ABCD3: variants seen among roughly 807,000 people sequenced by gnomAD.
The protein encoded by ABCD3 is ATP-binding cassette sub-family D member 3.
Under a neutral mutation model 105.5 loss-of-function variants are expected in ABCD3, and 41 were observed. The ratio of observed to expected loss-of-function variants is 0.39; its 90% confidence interval spans 0.30 to 0.50. The LOEUF is 0.50. Among genes scored for constraint, ABCD3 ranks in the 20% least tolerant of loss-of-function variants. ABCD3 has a pLI of 0.84. For synonymous variants in ABCD3, 258 were observed against 269.0 expected (o/e 0.96, Z 0.40); for missense variants, 622 against 806.3 (o/e 0.77, Z 2.77).
At chr1:94,451,252 TTTTTG>T (rs1308657885) in intron 1 of ABCD3, among the ~76,000 whole-genome samples, 1 of 152,196 alleles carries the variant, frequency 6.6e-6, no homozygotes, top group Non-Finnish European at 1.5e-5. Flanking sequence ...CTTGGGTTTG[TTTTTG>T]TTTTCTGTAA....
Position 94,433,744 on chromosome 1 carries a change from G to A in ABCD3, c.110+15156G>A, listed in dbSNP as rs1489713111. Among the ~76,000 whole-genome samples the A allele has an allele frequency of 2.7e-5, 4 of 149,944 alleles. No individual in the cohort carries two copies. In the South Asian group the frequency reaches 6.3e-4, roughly 24 times the overall value. On this transcript the variant is annotated intron_variant, in intron 1 of 22. Transcript: ENST00000370214. ...TTACTGCAACCTCCGCCTCCCAGGT[G>A]CAAGTGCTTCTCCTGCCTCAGCCTC...
chr1:94,484,169 A>C (rs538329972), intron 10 of ABCD3, among the ~76,000 whole-genome samples: 37 of 152,348 alleles, frequency 2.4e-4, no homozygotes, highest in African/African-American at 8.9e-4. Flanking sequence ...GAGAAATAGG[A>C]ACACTTTTAC....
chr1:94,496,191 A>G (rs1649789981), intron 16 of ABCD3, among the ~76,000 whole-genome samples: 1 of 152,308 alleles, frequency 6.6e-6, no homozygotes, highest in African/African-American at 2.4e-5. Flanking sequence ...ATCCATTTCC[A>G]GAACTTTTCC....
At position 94,418,397 on chromosome 1, in the gene ABCD3, C is replaced by A. The variant is rs897217394; in HGVS notation, c.-82C>A. ...CCGCCCTCTGCTCTCCTCCCAGTCT[C>A]CCCCGCGCTGCGTGCAGTAAGGTAG... On this transcript the variant is annotated 5_prime_UTR_variant, in exon 1 of 23. Transcript: ENST00000370214. 5 of 1,250,286 alleles carry A rather than the reference C, an allele frequency of 4.0e-6. No homozygotes were observed. The highest frequency in any genetic ancestry group is 5.6e-6 in the Non-Finnish European group (5 of 888,752). The allele number at this position is 1,250,286 out of a possible 1,614,324, so 77.4% of individuals were successfully genotyped here. A position where few individuals can be genotyped will look rare whatever the true frequency, so the allele number is the denominator to read the frequency against.
At chr1:94,388,453 A>G in the ABCD3 span, among the ~76,000 whole-genome samples, 4 of 152,224 alleles carry the variant, frequency 2.6e-5, no homozygotes, top group African/African-American at 7.2e-5. Flanking sequence ...AGTTGTGGAC[A>G]ACATGCTACA....
intron 8 of ABCD3, among the ~76,000 whole-genome samples, chr1:94,479,972 C>T (rs532656520): frequency 2.6e-5 from 4 of 151,930 alleles, no homozygotes; most frequent in Non-Finnish European, 4.4e-5. Flanking sequence ...GAGGCATCTG[C>T]ACAGTATTAA....
At chr1:94,501,108 A>C (rs1650069501) in intron 20 of ABCD3, among the ~76,000 whole-genome samples, 1 of 152,018 alleles carries the variant, frequency 6.6e-6, no homozygotes. Context: ...CAGGAGGGAT[A>C]ATTTTGATTT....
chr1:94,479,189 G>A (rs1056228987), intron 8 of ABCD3, among the ~76,000 whole-genome samples: 3 of 152,028 alleles, frequency 2.0e-5, no homozygotes, highest in Non-Finnish European at 4.4e-5. Flanking sequence ...TTGCTGTCTT[G>A]TGATCCAGGT....
the ABCD3 span, among the ~76,000 whole-genome samples, chr1:94,385,832 AGATAT>A: frequency 1.3e-5 from 2 of 152,204 alleles, no homozygotes; most frequent in African/African-American, 4.8e-5. Context: ...AGATGCATAT[AGATAT>A]ATGTCTATAT....
intron 1 of ABCD3, among the ~76,000 whole-genome samples, chr1:94,444,118 G>A (rs1239075206): frequency 6.6e-6 from 1 of 151,954 alleles, no homozygotes; most frequent in Non-Finnish European, 1.5e-5. Context: ...CAGACCATGA[G>A]GTCAAGAGAT....
chr1:94,480,285 TA>T, intron 8 of ABCD3, 178 bp from the exon 9 acceptor site: 1 of 667,254 alleles, frequency 1.5e-6, no homozygotes, highest in Non-Finnish European at 2.5e-6. Context: ...CCATGAGTAG[TA>T]AAAGTGTAGA....
At position 94,475,560 on chromosome 1, in the gene ABCD3, G is replaced by GT. The variant is rs961618552; in HGVS notation, c.504-50dup. The GT allele has an allele frequency of 7.7e-6, 12 of 1,565,474 alleles. No homozygotes were observed. In the African/African-American group the frequency reaches 1.5e-4, roughly 19 times the overall value. On this transcript the variant is annotated intron_variant, in intron 6 of 22. Transcript: ENST00000370214. ...GGTGTAATATGATTTTTTTGTTGTT[G>GT]TTTTATCTTTAAAGTCACTTGTTTT...
intron 1 of ABCD3, among the ~76,000 whole-genome samples, chr1:94,420,183 A>G (rs1659204851): frequency 6.6e-6 from 1 of 152,138 alleles, no homozygotes; most frequent in South Asian, 2.1e-4. Flanking sequence ...GAATTTTTAC[A>G]AGTAGAACAC....
the ABCD3 span, among the ~76,000 whole-genome samples, chr1:94,406,116 G>A: frequency 4.0e-5 from 6 of 151,524 alleles, no homozygotes; most frequent in Non-Finnish European, 5.9e-5. Flanking sequence ...GTCTGAGGAA[G>A]GAATTTAACT....
chr1:94,475,109 AG>A (rs1648675576), intron 5 of ABCD3, 33 bp from the exon 6 acceptor site: 1 of 1,384,304 alleles, frequency 7.2e-7, no homozygotes, highest in Non-Finnish European at 1.0e-6. Flanking sequence ...AGAAATGAAA[AG>A]CAAAACCAAT....
chr1:94,391,752 C>A, the ABCD3 span, among the ~76,000 whole-genome samples: 2 of 152,134 alleles, frequency 1.3e-5, no homozygotes, highest in Non-Finnish European at 2.9e-5. Context: ...CTCCTTGAAT[C>A]TTTGGACCCT....
chr1:94,436,121 C>T (rs1337475902), intron 1 of ABCD3, among the ~76,000 whole-genome samples: 4 of 152,160 alleles, frequency 2.6e-5, no homozygotes, highest in African/African-American at 4.8e-5. Context: ...ATTTCAAGAT[C>T]ACAATTGGAA....
At chr1:94,390,238 G>A in the ABCD3 span, among the ~76,000 whole-genome samples, 2 of 151,952 alleles carry the variant, frequency 1.3e-5, no homozygotes, top group South Asian at 2.1e-4. Flanking sequence ...GGGTCACGTG[G>A]GTAATTAGTT....
At chr1:94,391,951 C>T in the ABCD3 span, among the ~76,000 whole-genome samples, 21 of 152,224 alleles carry the variant, frequency 1.4e-4, 1 homozygote, top group East Asian at 3.7e-3. Flanking sequence ...TCATCTGCCA[C>T]ACAGAAAACG....
Sources: gnomAD v4.1 joint callset for allele counts (sites outside exome capture counted in the v4.1 genomes callset) on GRCh38, gnomAD v4.1.1 for gene constraint, MANE v1.5 for transcripts, NCBI Gene and HGNC (gene_info 2026-07-23, HGNC 2026-07-21) for gene names.